CDH23: variants seen among roughly 807,000 people sequenced by gnomAD.
CDH23 encodes the protein cadherin related 23.
CDH23 carries 189 observed loss-of-function variants against 317.1 expected under a neutral mutation model. The ratio of observed to expected loss-of-function variants is 0.60; its 90% confidence interval spans 0.53 to 0.67. The LOEUF (loss-of-function observed/expected upper bound fraction) is 0.67. CDH23 is among the 30% of genes least tolerant of loss of function. The probability of loss-of-function intolerance (pLI) is 0.00; values close to 1 mark genes in which losing one functional copy is unlikely to be tolerated. For synonymous variants in CDH23, 1,839 were observed against 1,876.8 expected (o/e 0.98, Z 0.52); for missense variants, 4,401 against 4,592.4 (o/e 0.96, Z 1.20).
rs757570269 is a variant in CDH23, at chr10:71,785,020, G to T, written c.5632G>T (p.Ala1878Ser). Reference protein sequence around the residue: ...SFVAHVLASDADSGCNARLTF... With the variant: ...SFVAHVLASDSDSGCNARLTF... ...TGTCGCCCATGTCCTGGCCAGTGAC[G>T]CTGACAGTGGCTGCAATGCACGCCT... Residue 1878 changes from alanine (A) to serine (S), a missense_variant, in exon 43 of 70, where the codon GCT (alanine) becomes TCT (serine). Around this residue, in one of 3 missense-constraint regions of CDH23, gnomAD observed 3,068 missense variants for 3,203.3 expected, o/e 0.96. Coordinates refer to ENST00000224721, the MANE Select transcript of CDH23 (RefSeq NM_022124.6). The T allele has an allele frequency of 1.9e-6, 3 of 1,614,054 alleles. No individual in the cohort carries two copies. Among genetic ancestry groups the T allele is most frequent in the African/African-American group, 1.3e-5 (1 of 75,080 alleles).
chr10:71,712,402 G>T (rs543033788), intron 27 of CDH23: 1 of 413,926 alleles, frequency 2.4e-6, no homozygotes, highest in South Asian at 4.6e-5. Context: ...GTAAAATGGG[G>T]ATGACAGTAA....
chr10:71,543,149 A>T (rs1372744141), intron 6 of CDH23, among the ~76,000 whole-genome samples: 1 of 152,220 alleles, frequency 6.6e-6, no homozygotes, highest in Non-Finnish European at 1.5e-5. Context: ...TGTGGACACC[A>T]AGGCCCGGAG....
At chr10:71,590,804 T>A (rs2132443388) in intron 9 of CDH23, among the ~76,000 whole-genome samples, 1 of 144,486 alleles carries the variant, frequency 6.9e-6, no homozygotes, top group East Asian at 2.0e-4. Flanking sequence ...GGTTCGAAGC[T>A]GCAGTGAACT....
intron 3 of CDH23, among the ~76,000 whole-genome samples, chr10:71,456,843 C>T (rs1484737894): frequency 2.6e-5 from 4 of 152,196 alleles, no homozygotes; most frequent in African/African-American, 9.7e-5. Flanking sequence ...GGTTAAGTAA[C>T]TCACACAGGC....
intron 55 of CDH23, among the ~76,000 whole-genome samples, chr10:71,804,030 T>G (rs892069119): frequency 6.6e-6 from 1 of 151,532 alleles, no homozygotes; most frequent in Non-Finnish European, 1.5e-5. Context: ...ACTCTATCGC[T>G]TATCAGCCCA....
chr10:71,641,254 A>T (rs935819336), intron 11 of CDH23, among the ~76,000 whole-genome samples: 4 of 152,142 alleles, frequency 2.6e-5, no homozygotes, highest in Non-Finnish European at 4.4e-5. Context: ...GCCCCCAGAG[A>T]TGATGACACA....
chr10:71,567,436 A>G (rs906304120), intron 7 of CDH23, among the ~76,000 whole-genome samples: 3 of 152,254 alleles, frequency 2.0e-5, no homozygotes, highest in Non-Finnish European at 4.4e-5. Flanking sequence ...GACATTCCAC[A>G]TCATCCCTCT....
chr10:71,581,586 A>G (rs1589231000), intron 9 of CDH23, among the ~76,000 whole-genome samples: 1 of 152,392 alleles, frequency 6.6e-6, no homozygotes, highest in African/African-American at 2.4e-5. Context: ...TGCCAAGAAC[A>G]AAGAGGCCTT....
intron 47 of CDH23, among the ~76,000 whole-genome samples, chr10:71,792,028 A>T (rs147295655): frequency 0.021 from 3,212 of 152,292 alleles, 42 homozygotes; most frequent in South Asian, 0.03. Context: ...AATAAGCCAG[A>T]TTTGGCTTAC....
intron 22 of CDH23, among the ~76,000 whole-genome samples, chr10:71,700,507 T>C (rs1042422088): frequency 2.0e-5 from 3 of 152,144 alleles, no homozygotes; most frequent in South Asian, 2.1e-4. Flanking sequence ...ATGCCTGGAG[T>C]ACCTAAGAGC....
At chr10:71,557,815 C>G (rs1856943172) in intron 6 of CDH23, among the ~76,000 whole-genome samples, 1 of 152,108 alleles carries the variant, frequency 6.6e-6, no homozygotes, top group Admixed American at 6.5e-5. Context: ...CTGAAAGTCT[C>G]AGGATTTTTT....
chr10:71,403,151 CA>C (rs199966323), intron 1 of CDH23, among the ~76,000 whole-genome samples: 7 of 148,890 alleles, frequency 4.7e-5, no homozygotes, highest in Non-Finnish European at 6.0e-5. Flanking sequence ...AAACAACAAC[CA>C]AAAAAAAACA....
In CDH23 at chr10:71,741,722, A is replaced by T. The variant is rs763500165; in HGVS notation, c.4646A>T (p.Gln1549Leu). The change falls in exon 38 of 70, where the codon CAG becomes CTG. Residue 1549 changes from glutamine (Q) to leucine (L), a missense_variant. Transcript: ENST00000224721. ...GTGGGTGGAGGTACTGCTGTGGTCCAGGTGAGAGCCACTGACCGTGACATC... is the reference window on the plus strand; with the variant it reads ...GTGGGTGGAGGTACTGCTGTGGTCCTGGTGAGAGCCACTGACCGTGACATC... Reference protein sequence around the residue: ...ENVGGGTAVVQVRATDRDIGI... With the variant: ...ENVGGGTAVVLVRATDRDIGI... The T allele has an allele frequency of 6.2e-7, 1 of 1,611,264 alleles. No homozygotes were observed. Among genetic ancestry groups the T allele is most frequent in the Non-Finnish European group, 8.5e-7 (1 of 1,178,736 alleles).
chr10:71,633,246 G>A (rs920839537), intron 11 of CDH23, among the ~76,000 whole-genome samples: 1 of 151,984 alleles, frequency 6.6e-6, no homozygotes, highest in African/African-American at 2.4e-5. Context: ...ATTTTGGAGG[G>A]GGACATTCAA....
At chr10:71,740,688 C>T in intron 36 of CDH23, 134 bp from the exon 37 acceptor site, 2 of 1,271,818 alleles carry the variant, frequency 1.6e-6, no homozygotes, top group Non-Finnish European at 2.2e-6. Flanking sequence ...CTGGCCAGGC[C>T]ACCCAGGGGT....
At chr10:71,615,644 C>T (rs759285176) in intron 10 of CDH23, 28 bp downstream of exon 10, 1 of 1,513,972 alleles carries the variant, frequency 6.6e-7, no homozygotes, top group African/African-American at 1.4e-5. Flanking sequence ...ACCTTCACCC[C>T]AGGTAGAGGA....
At chr10:71,694,589 A>G (rs1447068859) in intron 21 of CDH23, among the ~76,000 whole-genome samples, 7 of 152,208 alleles carry the variant, frequency 4.6e-5, no homozygotes, top group African/African-American at 1.7e-4. Flanking sequence ...TCAACAAAGC[A>G]GAAGCAGGCA....
intron 53 of CDH23, among the ~76,000 whole-genome samples, chr10:71,801,819 C>T (rs6480558): frequency 0.37 from 56,534 of 152,058 alleles, 11,636 homozygotes; most frequent in East Asian, 0.62. Context: ...CCCTGTCACA[C>T]ATGCATGTGC....
chr10:71,581,512 C>T (rs764438175), intron 9 of CDH23, among the ~76,000 whole-genome samples: 5 of 152,350 alleles, frequency 3.3e-5, no homozygotes, highest in Non-Finnish European at 4.4e-5. Context: ...TTATCAGCCC[C>T]GCAGCTGTGG....
Sources: gnomAD v4.1 joint callset for allele counts (sites outside exome capture counted in the v4.1 genomes callset) on GRCh38, gnomAD v4.1.1 for gene constraint, gnomAD v4.1.1 regional missense constraint, MANE v1.5 for transcripts, NCBI Gene and HGNC (gene_info 2026-07-23, HGNC 2026-07-21) for gene names.